Variants in SCOC observed in about 807,000 individuals in gnomAD.
SCOC encodes the protein short coiled-coil protein.
In SCOC, 7 loss-of-function variants were observed where a neutral mutation model predicts 9.9. The observed-to-expected ratio is 0.71, with a 90% confidence interval of 0.40 to 1.33. SCOC has a LOEUF of 1.33. Ranked by LOEUF, SCOC falls within the 40% of genes most tolerant of loss-of-function variation. The probability of loss-of-function intolerance (pLI) is 0.01; values close to 1 mark genes in which losing one functional copy is unlikely to be tolerated. For synonymous variants in SCOC, 19 were observed against 28.2 expected (o/e 0.67, Z 1.03); for missense variants, 66 against 89.7 (o/e 0.74, Z 1.07).
intron 2 of SCOC, among the ~76,000 whole-genome samples, chr4:140,365,172 C>A (rs374349375): frequency 5.1e-4 from 72 of 141,534 alleles, no homozygotes; most frequent in East Asian, 6.2e-4. Flanking sequence ...ATGGATATGG[C>A]AAAAAAAAAA....
intron 2 of SCOC, among the ~76,000 whole-genome samples, chr4:140,364,860 C>A (rs1727721123): frequency 6.6e-6 from 1 of 152,092 alleles, no homozygotes; most frequent in Non-Finnish European, 1.5e-5. Flanking sequence ...GGTCTACTTG[C>A]CCCCAAACAC....
intron 1 of SCOC, among the ~76,000 whole-genome samples, chr4:140,332,320 T>G (rs911063695): frequency 2.7e-5 from 4 of 147,202 alleles, no homozygotes; most frequent in African/African-American, 9.8e-5. Context: ...TAATGATACC[T>G]CCCTTTTTAG....
intron 1 of SCOC, among the ~76,000 whole-genome samples, chr4:140,273,172 A>G (rs576118655): frequency 4.5e-4 from 69 of 152,332 alleles, no homozygotes; most frequent in African/African-American, 1.7e-3. Context: ...GCTGGAAAAC[A>G]CAATAGAATA....
intron 1 of SCOC, among the ~76,000 whole-genome samples, chr4:140,330,937 C>A (rs564875610): frequency 1.3e-5 from 2 of 152,136 alleles, no homozygotes; most frequent in Non-Finnish European, 2.9e-5. Flanking sequence ...ATGCAGCGTA[C>A]GGCTGGTATA....
chr4:140,262,187 A>T (rs1374954954), intron 1 of SCOC, among the ~76,000 whole-genome samples: 1 of 152,190 alleles, frequency 6.6e-6, no homozygotes, highest in Non-Finnish European at 1.5e-5. Flanking sequence ...CCTATGAAAG[A>T]AAGGCTTTTT....
intron 1 of SCOC, among the ~76,000 whole-genome samples, chr4:140,329,222 C>T (rs1362076991): frequency 2.0e-5 from 3 of 152,010 alleles, no homozygotes; most frequent in East Asian, 1.9e-4. Flanking sequence ...TTCAACAAAT[C>T]GTGCTGGGAT....
At chr4:140,369,617 T>C (rs1419877007), upstream of SCOC, among the ~76,000 whole-genome samples, 1 of 152,174 alleles carries the variant, frequency 6.6e-6, no homozygotes, top group Admixed American at 6.5e-5. Flanking sequence ...TTGGAAGTTC[T>C]CTATTTCATT....
At chr4:140,347,138 A>G (rs577016817) in intron 2 of SCOC, among the ~76,000 whole-genome samples, 5 of 152,128 alleles carry the variant, frequency 3.3e-5, no homozygotes, top group South Asian at 2.1e-4. Flanking sequence ...ATAAAAATAT[A>G]TTTTCTTTCA....
At chr4:140,338,184 C>T (rs1261334546) in intron 1 of SCOC, among the ~76,000 whole-genome samples, 2 of 152,034 alleles carry the variant, frequency 1.3e-5, no homozygotes. Context: ...ATAAACAGAA[C>T]CAAAGACAAA....
intron 1 of SCOC, among the ~76,000 whole-genome samples, chr4:140,321,972 A>G (rs1045145784): frequency 1.3e-5 from 2 of 152,176 alleles, no homozygotes; most frequent in African/African-American, 4.8e-5. Flanking sequence ...TTGCAGGAGT[A>G]GGTTTGCTCC....
intron 1 of SCOC, among the ~76,000 whole-genome samples, chr4:140,278,163 G>A (rs568001080): frequency 6.6e-6 from 1 of 152,322 alleles, no homozygotes; most frequent in Non-Finnish European, 1.5e-5. Flanking sequence ...CACAGTTCTA[G>A]AGGCTGGGAA....
intron 1 of SCOC, among the ~76,000 whole-genome samples, chr4:140,266,888 G>T (rs1446970016): frequency 6.6e-6 from 1 of 152,100 alleles, no homozygotes; most frequent in African/African-American, 2.4e-5. Context: ...GTATTGAGGA[G>T]ATCTATAAAG....
intron 2 of SCOC, among the ~76,000 whole-genome samples, chr4:140,367,167 T>C (rs1049606597): frequency 6.6e-5 from 10 of 151,804 alleles, no homozygotes; most frequent in Non-Finnish European, 1.5e-4. Flanking sequence ...ATCGCACCAC[T>C]GCACTCCAGC....
intron 1 of SCOC, among the ~76,000 whole-genome samples, chr4:140,286,712 G>A (rs1049564497): frequency 6.6e-6 from 1 of 152,232 alleles, no homozygotes; most frequent in Non-Finnish European, 1.5e-5. Flanking sequence ...TGGTTAGCTT[G>A]TGGCCCAATA....
At chr4:140,319,639 A>G (rs778903935) in intron 1 of SCOC, among the ~76,000 whole-genome samples, 3 of 152,320 alleles carry the variant, frequency 2.0e-5, no homozygotes, top group Non-Finnish European at 4.4e-5. Flanking sequence ...AAATTCTCTA[A>G]AACTTTCAAG....
At chr4:140,308,611 C>T (rs567149439) in intron 1 of SCOC, among the ~76,000 whole-genome samples, 2 of 152,152 alleles carry the variant, frequency 1.3e-5, no homozygotes, top group African/African-American at 2.4e-5. Context: ...TTGAGAGCCA[C>T]GTGGCAGCCT....
intron 1 of SCOC, 112 bp downstream of exon 1, chr4:140,373,829 G>T: frequency 8.5e-7 from 1 of 1,183,266 alleles, no homozygotes; most frequent in Non-Finnish European, 1.2e-6. Context: ...CCTGCGCACC[G>T]GGGGCCCGGG....
At chr4:140,294,990 G>T (rs1731581693) in intron 1 of SCOC, among the ~76,000 whole-genome samples, 1 of 152,152 alleles carries the variant, frequency 6.6e-6, no homozygotes, top group Non-Finnish European at 1.5e-5. Context: ...CCCCATACCA[G>T]CAATCAGCTG....
At chr4:140,356,885 T>TA (rs1233182169) in intron 2 of SCOC, among the ~76,000 whole-genome samples, 1 of 152,190 alleles carries the variant, frequency 6.6e-6, no homozygotes. Flanking sequence ...TTTCCCAATT[T>TA]ATTAAGTGAG....
Sources: gnomAD v4.1 joint callset for allele counts (sites outside exome capture counted in the v4.1 genomes callset) on GRCh38, gnomAD v4.1.1 for gene constraint, MANE v1.5 for transcripts, NCBI Gene and HGNC (gene_info 2026-07-23, HGNC 2026-07-21) for gene names.